IFIH1: variants seen among roughly 807,000 people sequenced by gnomAD.
IFIH1 encodes interferon induced with helicase C domain 1, also known as interferon-induced helicase C domain-containing protein 1.
In IFIH1, 125 loss-of-function variants were observed where a neutral mutation model predicts 107.4. That is an observed-to-expected ratio of 1.16 (90% CI 1.01 to 1.35). The LOEUF (loss-of-function observed/expected upper bound fraction) is 1.35, where lower values mean the gene tolerates loss of function less well. Ranked by LOEUF, IFIH1 falls within the 40% of genes most tolerant of loss-of-function variation. The pLI is 0.00. For synonymous variants in IFIH1, 458 were observed against 413.2 expected, an observed-to-expected ratio of 1.11 and a Z score of -1.31; for missense variants, 1,333 against 1,213.7, an observed-to-expected ratio of 1.10 and a Z score of -1.46.
chr2:162,289,892 A>G (rs4664461), intron 4 of IFIH1, among the ~76,000 whole-genome samples: 19,175 of 151,874 alleles, frequency 0.13, 2,816 homozygotes, highest in African/African-American at 0.33. Context: ...GAACTCTACA[A>G]TATTTACAAT....
At position 162,306,827 on chromosome 2, in the gene IFIH1, A is replaced by G. The variant is rs1306098352; in HGVS notation, c.651T>C (p.Gly217=). 3.1e-6 allele frequency: 5 copies of G among 1,613,788 alleles called. No homozygotes were observed. Among genetic ancestry groups the G allele is most frequent in the Non-Finnish European group, 4.2e-6 (5 of 1,179,822 alleles). ...AEIENLSQVD[G]PQVEEQLLST... The stretch of plus-strand genomic sequence containing the variant: ...AAAGAAGTTGCTCTTCCACTTGAGG[A>G]CCATCAACTTGTGATAAATTCTCAA... Residue 217 remains glycine (G), a synonymous_variant, in exon 3 of 16, where the codon GGT becomes GGC. Transcript: ENST00000649979.
chr2:162,294,859 T>C (rs974551), intron 3 of IFIH1, among the ~76,000 whole-genome samples: 17,926 of 151,770 alleles, frequency 0.12, 2,420 homozygotes, highest in African/African-American at 0.3. Context: ...GTCATATTTA[T>C]GGCTGGAAAT....
intron 2 of IFIH1, chr2:162,307,149 T>C (rs547577056): frequency 4.4e-6 from 1 of 228,872 alleles, no homozygotes; most frequent in East Asian, 9.9e-5. Flanking sequence ...AATGTGCTTT[T>C]GTTATGGCAA....
At chr2:162,309,784 C>G (rs1050551339) in intron 2 of IFIH1, among the ~76,000 whole-genome samples, 5 of 152,160 alleles carry the variant, frequency 3.3e-5, no homozygotes, top group African/African-American at 9.7e-5. Context: ...ATTAATTTCT[C>G]TTCTTTTGCA....
intron 11 of IFIH1, among the ~76,000 whole-genome samples, chr2:162,274,962 C>T (rs80139450): frequency 6.6e-6 from 1 of 152,238 alleles, no homozygotes; most frequent in Admixed American, 6.5e-5. Flanking sequence ...AGAAAGGCCT[C>T]TCTTGAGTCT....
At chr2:162,269,714 A>G (rs1690997508) in intron 13 of IFIH1, among the ~76,000 whole-genome samples, 1 of 152,182 alleles carries the variant, frequency 6.6e-6, no homozygotes, top group Non-Finnish European at 1.5e-5. Flanking sequence ...ATTTTCAGTA[A>G]AAGTAAGTCA....
chr2:162,285,915 T>C (rs1682884850), intron 5 of IFIH1, among the ~76,000 whole-genome samples: 1 of 151,906 alleles, frequency 6.6e-6, no homozygotes, highest in African/African-American at 2.4e-5. Flanking sequence ...GTTTAAGAGA[T>C]TTTCAAATAA....
intron 6 of IFIH1, 41 bp downstream of exon 6, chr2:162,282,325 T>C (rs1271086782): frequency 7.9e-7 from 1 of 1,267,984 alleles, no homozygotes; most frequent in East Asian, 2.5e-5. Flanking sequence ...ATCATCAATA[T>C]TACTATTAAT....
chr2:162,285,443 G>T (rs995955372), intron 5 of IFIH1, among the ~76,000 whole-genome samples: 6 of 151,836 alleles, frequency 4.0e-5, no homozygotes, highest in Non-Finnish European at 5.9e-5. Context: ...AGACTTACTG[G>T]GCCAGAGGTG....
chr2:162,276,214 A>G (rs73973092), intron 11 of IFIH1, among the ~76,000 whole-genome samples: 6,145 of 152,276 alleles, frequency 0.04, 387 homozygotes, highest in African/African-American at 0.14. Context: ...TTATTTCAAG[A>G]ACAGGTGTTT....
intron 4 of IFIH1, among the ~76,000 whole-genome samples, chr2:162,288,876 T>C (rs537690639): frequency 6.6e-6 from 1 of 151,208 alleles, no homozygotes; most frequent in Admixed American, 6.6e-5. Flanking sequence ...ACTATTTTCT[T>C]TCGTTTGTAG....
chr2:162,280,882 C>T (rs1235793645), intron 7 of IFIH1, among the ~76,000 whole-genome samples: 1 of 151,982 alleles, frequency 6.6e-6, no homozygotes, highest in Non-Finnish European at 1.5e-5. Flanking sequence ...ATCTTCATAT[C>T]CCTATTTCCC....
At chr2:162,280,144 A>T (rs1682780025) in intron 7 of IFIH1, 32 bp from the exon 8 acceptor site, 1 of 1,152,104 alleles carries the variant, frequency 8.7e-7, no homozygotes, top group African/African-American at 1.5e-5. Flanking sequence ...ATATTTATGC[A>T]ATTATTTTTC....
chr2:162,281,359 T>A lies in IFIH1; in HGVS notation c.1493A>T (p.Lys498Met), dbSNP rs994997296. Residue 498 changes from lysine (K) to methionine (M), a missense_variant, in exon 7 of 16, where the codon AAG becomes ATG. Transcript: ENST00000649979. ...TASPGVGGAT[K>M]QAKAEEHILK... ...AATGTGTTCTTCAGCTTTGGCTTGC[T>A]TCGTGGCCCCTCCAACACCAGGTGA... 10 of 1,612,630 alleles carry A rather than the reference T, an allele frequency of 6.2e-6. No individual in the cohort carries two copies. The highest frequency in any genetic ancestry group is 8.5e-6 in the Non-Finnish European group (10 of 1,179,050).
In IFIH1 at chr2:162,272,240, C is replaced by A. The variant is rs1691053761; in HGVS notation, c.2602G>T (p.Glu868Ter). Reference protein sequence around the residue: ...IHCVQNMKPEEYAHKILELQM... With the variant: ...IHCVQNMKPE ...ACCAACAATACCTTATGAGCATACT[C>A]CTCTGGTTTCATATTTTGAACACAA... The change falls in exon 13 of 16, where the codon GAG (glutamate) becomes TAG (stop). Residue 868 changes from glutamate to a stop codon, truncating the protein, a stop_gained. Transcript: ENST00000649979. LOFTEE classifies it high-confidence loss of function. 1.2e-6 allele frequency: 2 copies of A among 1,611,618 alleles called. No homozygotes were observed.
chr2:162,297,587 A>AT (rs1294270243), intron 3 of IFIH1, among the ~76,000 whole-genome samples: 1 of 152,196 alleles, frequency 6.6e-6, no homozygotes, highest in East Asian at 1.9e-4. Flanking sequence ...TTAAATTCTC[A>AT]TTAAAAGGGC....
intron 5 of IFIH1, among the ~76,000 whole-genome samples, chr2:162,287,348 C>T (rs186262220): frequency 6.6e-6 from 1 of 151,838 alleles, no homozygotes; most frequent in Non-Finnish European, 1.5e-5. Context: ...AAAGTATGCT[C>T]ATTTTTATTC....
chr2:162,301,654 C>G (rs1198019865), intron 3 of IFIH1, among the ~76,000 whole-genome samples: 1 of 152,144 alleles, frequency 6.6e-6, no homozygotes, highest in Non-Finnish European at 1.5e-5. Flanking sequence ...ACTGACTGCA[C>G]AACTAATTTA....
At chr2:162,314,418 T>TCTTC (rs1553461351) in intron 1 of IFIH1, among the ~76,000 whole-genome samples, 2 of 65,234 alleles carry the variant, frequency 3.1e-5, no homozygotes, top group East Asian at 4.7e-4. Context: ...TTTCTTTCTT[T>TCTTC]TCTTTCTTTC....
Sources: gnomAD v4.1 joint callset for allele counts (sites outside exome capture counted in the v4.1 genomes callset) on GRCh38, gnomAD v4.1.1 for gene constraint, MANE v1.5 for transcripts, NCBI Gene and HGNC (gene_info 2026-07-23, HGNC 2026-07-21) for gene names.